Variants in ADAMTSL1 observed in about 807,000 individuals in gnomAD.
The protein encoded by ADAMTSL1 is ADAMTS-like protein 1.
Under a neutral mutation model 201.8 loss-of-function variants are expected in ADAMTSL1, and 126 were observed. The ratio of observed to expected loss-of-function variants is 0.62; its 90% CI spans 0.54 to 0.72. The LOEUF (loss-of-function observed/expected upper bound fraction) is 0.72, where lower values mean the gene tolerates loss of function less well. Ranked by LOEUF, ADAMTSL1 falls within the 30% of genes least tolerant of loss-of-function variation. The probability of loss-of-function intolerance (pLI) is 0.00; values close to 1 mark genes in which losing one functional copy is unlikely to be tolerated. For synonymous variants in ADAMTSL1, 1,121 were observed against 903.4 expected, an observed-to-expected ratio of 1.24 and a Z score of -4.32; for missense variants, 2,679 against 2,277.8, an observed-to-expected ratio of 1.18 and a Z score of -3.59.
chr9:18,439,927 T>A (rs551010709), intron 2 of ADAMTSL1, among the ~76,000 whole-genome samples: 11 of 152,324 alleles, frequency 7.2e-5, no homozygotes, highest in African/African-American at 2.6e-4. Context: ...GGTCTGAGCC[T>A]AAGTTTTTAA....
In ADAMTSL1 at chr9:17,955,194, C is replaced by T. The variant is rs142165914; in HGVS notation, c.87+48272C>T. Reference sequence around the variant, plus strand: ...TCTTTTAATAATACAGAAGGGCCTGCCTTTTGTTTGAATTCAAAGCCCATT... The same window carrying T: ...TCTTTTAATAATACAGAAGGGCCTGTCTTTTGTTTGAATTCAAAGCCCATT... On this transcript the variant is annotated intron_variant, in intron 1 of 29. Coordinates refer to the ADAMTSL1 transcript ENST00000680146. Among the ~76,000 whole-genome samples, 14 of 152,168 alleles carry T rather than the reference C, an allele frequency of 9.2e-5. No homozygotes were observed. The East Asian group carries it at 2.7e-3, about 29-fold the overall frequency.
chr9:17,959,041 A>C (rs1170668111), intron 1 of ADAMTSL1, among the ~76,000 whole-genome samples: 5 of 152,200 alleles, frequency 3.3e-5, no homozygotes, highest in Non-Finnish European at 7.3e-5. Flanking sequence ...TGGGAATAGT[A>C]ATTTAATATA....
At chr9:18,083,796 T>C (rs1408327120) in intron 1 of ADAMTSL1, among the ~76,000 whole-genome samples, 2 of 152,216 alleles carry the variant, frequency 1.3e-5, no homozygotes, top group Non-Finnish European at 2.9e-5. Flanking sequence ...TAAAGTTAGC[T>C]TTTACCACCC....
chr9:17,934,773 A>C (rs1261601625), intron 1 of ADAMTSL1, among the ~76,000 whole-genome samples: 4 of 151,930 alleles, frequency 2.6e-5, no homozygotes, highest in Non-Finnish European at 5.9e-5. Context: ...TCCAGTTGTG[A>C]TGGATAAACT....
chr9:18,103,212 C>T (rs1174186760), intron 1 of ADAMTSL1, among the ~76,000 whole-genome samples: 2 of 151,120 alleles, frequency 1.3e-5, no homozygotes, highest in Non-Finnish European at 3.0e-5. Flanking sequence ...ATTTTTTTTT[C>T]ATTGAAAATT....
intron 2 of ADAMTSL1, among the ~76,000 whole-genome samples, chr9:18,457,679 C>A (rs1401110435): frequency 6.6e-6 from 1 of 152,152 alleles, no homozygotes; most frequent in East Asian, 1.9e-4. Flanking sequence ...AACTTCCCTT[C>A]CTGTCTTCAG....
chr9:18,243,213 A>G (rs1831134835), intron 2 of ADAMTSL1, among the ~76,000 whole-genome samples: 1 of 152,210 alleles, frequency 6.6e-6, no homozygotes. Flanking sequence ...CAAGGGAACC[A>G]AGAGGATACA....
At chr9:18,189,028 C>T (rs531453468) in intron 2 of ADAMTSL1, among the ~76,000 whole-genome samples, 4 of 152,198 alleles carry the variant, frequency 2.6e-5, no homozygotes, top group African/African-American at 4.8e-5. Context: ...CAATTAGTGG[C>T]TGAGCAATGC....
intron 5 of ADAMTSL1, chr9:18,622,750 C>T (rs958474822): frequency 1.9e-5 from 7 of 359,136 alleles, no homozygotes; most frequent in African/African-American, 1.0e-4. Flanking sequence ...CACAAATTCA[C>T]TCCTGTCACT....
In ADAMTSL1 at chr9:18,777,461, C is replaced by G; in HGVS notation, c.3232C>G (p.Leu1078Val). Residue 1078 changes from leucine to valine, a missense_variant, in exon 19 of 29, where the codon CTG becomes GTG. Leu to Val is a conservative substitution (Grantham distance 32). Transcript: ENST00000380548. ...PFTMVTEQRR[L>V]DDILGNLSQQ... ...CACCATGGTGACCGAGCAGCGGCGC[C>G]TGGACGACATCCTGGGGAACCTCTC... 6.3e-7 allele frequency: 1 copy of G among 1,594,704 alleles called. No individual in the cohort carries two copies. Among genetic ancestry groups the G allele is most frequent in the Non-Finnish European group, 8.5e-7 (1 of 1,171,016 alleles).
At chr9:18,592,839 C>A (rs1003436715) in intron 4 of ADAMTSL1, among the ~76,000 whole-genome samples, 1 of 152,134 alleles carries the variant, frequency 6.6e-6, no homozygotes, top group Non-Finnish European at 1.5e-5. Flanking sequence ...AATATTGATT[C>A]TTCCAATCCA....
At chr9:18,686,973 T>C (rs1830878537) in intron 13 of ADAMTSL1, among the ~76,000 whole-genome samples, 1 of 152,234 alleles carries the variant, frequency 6.6e-6, no homozygotes, top group African/African-American at 2.4e-5. Flanking sequence ...TAGCCATATA[T>C]TAAACTATTA....
chr9:18,794,642 G>GTTTT (rs200452714), intron 19 of ADAMTSL1, among the ~76,000 whole-genome samples: 12 of 148,124 alleles, frequency 8.1e-5, no homozygotes, highest in South Asian at 2.1e-4. Flanking sequence ...TTTTGTTGTT[G>GTTTT]TTGTTTTTTG....
intron 1 of ADAMTSL1, among the ~76,000 whole-genome samples, chr9:17,955,490 G>C (rs1304196649): frequency 6.6e-6 from 1 of 152,168 alleles, no homozygotes; most frequent in Non-Finnish European, 1.5e-5. Flanking sequence ...ACTTTCAGCA[G>C]TTTCAGTCAC....
At chr9:18,237,534 G>A (rs1587372498) in intron 2 of ADAMTSL1, among the ~76,000 whole-genome samples, 1 of 152,176 alleles carries the variant, frequency 6.6e-6, no homozygotes, top group Admixed American at 6.5e-5. Context: ...GGATTTCAGA[G>A]AAAGCTCACT....
intron 2 of ADAMTSL1, among the ~76,000 whole-genome samples, chr9:18,379,276 G>A (rs1837443177): frequency 2.0e-5 from 3 of 152,192 alleles, no homozygotes; most frequent in Admixed American, 2.0e-4. Flanking sequence ...TTTCAAAACA[G>A]ACTAGTTTTT....
intron 1 of ADAMTSL1, among the ~76,000 whole-genome samples, chr9:18,090,669 T>C (rs1206464503): frequency 6.6e-6 from 1 of 152,180 alleles, no homozygotes; most frequent in Non-Finnish European, 1.5e-5. Flanking sequence ...TGGAGCTGCA[T>C]GGCGGCAATG....
intron 1 of ADAMTSL1, among the ~76,000 whole-genome samples, chr9:18,149,374 G>T (rs972625819): frequency 2.6e-5 from 4 of 152,034 alleles, no homozygotes; most frequent in South Asian, 4.1e-4. Context: ...AAGAAAAAAT[G>T]GTTGGAGACG....
chr9:18,490,872 C>T (rs539723146), intron 1 of ADAMTSL1, among the ~76,000 whole-genome samples: 38 of 152,116 alleles, frequency 2.5e-4, no homozygotes, highest in African/African-American at 8.9e-4. Context: ...CTAGAGAATT[C>T]GGGAGTATTG....
Sources: gnomAD v4.1 joint callset for allele counts (sites outside exome capture counted in the v4.1 genomes callset) on GRCh38, gnomAD v4.1.1 for gene constraint, MANE v1.5 for transcripts, NCBI Gene and HGNC (gene_info 2026-07-23, HGNC 2026-07-21) for gene names.